The following PHF2 variants were observed in gnomAD, a reference collection of about 807,000 sequenced individuals.
PHF2 encodes PHD finger protein 2.
PHF2 carries 27 observed loss-of-function variants against 120.5 expected under a neutral mutation model. That is an observed-to-expected ratio of 0.22 (90% CI 0.17 to 0.31). PHF2 has a LOEUF of 0.31. Among genes scored for constraint, PHF2 ranks in the 10% least tolerant of loss-of-function variants. The probability of loss-of-function intolerance (pLI) is 1.00; values close to 1 mark genes in which losing one functional copy is unlikely to be tolerated. For synonymous variants in PHF2, 568 were observed against 592.5 expected (o/e 0.96, Z 0.60); for missense variants, 1,024 against 1,434.8 (o/e 0.71, Z 4.63).
rs531043019 is a variant in PHF2, at chr9:93,618,444, C to T, written c.99-11526C>T. On this transcript the variant is annotated intron_variant, in intron 1 of 21. Transcript: ENST00000359246. ...GCCTGCATACACGTGCACACACAAACGGGCATACAAGCACACACACACAGT... is the reference window on the plus strand; with the variant it reads ...GCCTGCATACACGTGCACACACAAATGGGCATACAAGCACACACACACAGT... Among the ~76,000 whole-genome samples the T allele has an allele frequency of 6.6e-5, 10 of 152,344 alleles. 1 individual carries two copies. The highest frequency in any genetic ancestry group is 9.6e-5 in the African/African-American group (4 of 41,576).
At chr9:93,667,945 C>G (rs1442919230) in intron 17 of PHF2, among the ~76,000 whole-genome samples, 1 of 152,154 alleles carries the variant, frequency 6.6e-6, no homozygotes, top group Non-Finnish European at 1.5e-5. Flanking sequence ...CTGTGGTTTC[C>G]AGAATCCATG....
intron 5 of PHF2, 30 bp downstream of exon 5, chr9:93,649,242 GC>G (rs1826315535): frequency 3.9e-6 from 6 of 1,541,148 alleles, no homozygotes; most frequent in Non-Finnish European, 5.3e-6. Flanking sequence ...GGGTGTGGGG[GC>G]TGGGGTTGGG....
chr9:93,670,292 T>A (rs1049643415), intron 17 of PHF2, among the ~76,000 whole-genome samples: 3 of 152,186 alleles, frequency 2.0e-5, no homozygotes, highest in Non-Finnish European at 4.4e-5. Context: ...CGGGCTGCCT[T>A]GTCCTGGGGC....
chr9:93,656,255 C>A lies in PHF2; in HGVS notation c.1040+234C>A, dbSNP rs10992830. 0.02 allele frequency among the ~76,000 whole-genome samples: 3,019 copies of A among 152,130 alleles called. 64 individuals carry two copies. The highest frequency in any genetic ancestry group is 0.1 in the East Asian group (521 of 5,136). On this transcript the variant is annotated intron_variant, in intron 8 of 21. Coordinates refer to ENST00000359246, the MANE Select transcript of PHF2 (RefSeq NM_005392.4). This position sits in a 1 kb window ranked among gnomAD's most constrained non-coding sequence, Gnocchi z 4.1. The stretch of plus-strand genomic sequence containing the variant: ...CCTGGCTGCTGGATGGTTGTAGTTG[C>A]CCTTGGTGGGGTTGGGGTTGCTTAA...
At chr9:93,644,153 G>C (rs1008687298) in intron 3 of PHF2, among the ~76,000 whole-genome samples, 1 of 152,126 alleles carries the variant, frequency 6.6e-6, no homozygotes, top group African/African-American at 2.4e-5. Context: ...TTGGAAGGCC[G>C]AGGTGGGTGG....
chr9:93,634,782 G>A lies in PHF2; in HGVS notation c.185-1629G>A, dbSNP rs555954876. ...TGCTGGGCCCAGTACTGGGCATAGG[G>A]GACACACAGGGATGAGCCCAGGGTC... On this transcript the variant is annotated intron_variant, in intron 2 of 21. Transcript: ENST00000359246. Among the ~76,000 whole-genome samples the A allele has an allele frequency of 2.6e-5, 4 of 152,336 alleles. No individual in the cohort carries two copies. The East Asian group carries it at 7.7e-4, about 29-fold the overall frequency.
rs1826854545 is a variant in PHF2 at position 93,673,792 on chromosome 9, C to T, written c.2556C>T (p.Asn852=). The part of the protein sequence containing the change: ...GKRLLKRAAK[N]SVDLDDYEEE... ...GACTGCTGAAGAGGGCTGCCAAGAA[C>T]AGTGTCGACCTGGACGACTACGAGG... is the stretch of plus-strand genomic sequence containing the variant. Residue 852 remains asparagine (N), a synonymous_variant, in exon 18 of 22, where the codon AAC becomes AAT. Transcript: ENST00000359246. 2 of 1,612,568 alleles carry T rather than the reference C, an allele frequency of 1.2e-6. No homozygotes were observed. The highest frequency in any genetic ancestry group is 2.2e-5 in the East Asian group (1 of 44,848).
chr9:93,591,757 G>A (rs376079457), intron 1 of PHF2, among the ~76,000 whole-genome samples: 21 of 152,264 alleles, frequency 1.4e-4, no homozygotes, highest in African/African-American at 4.3e-4. Context: ...GATAATCTAC[G>A]TCACAGCTTC....
In PHF2 at chr9:93,659,609, G is replaced by A. The variant is rs752131988; in HGVS notation, c.1329+9G>A. 1.6e-5 allele frequency: 26 copies of A among 1,611,944 alleles called. No homozygotes were observed. The highest frequency in any genetic ancestry group is 3.3e-5 in the Admixed American group (2 of 59,970). ...AGATCCGGCTCAGTGAGGTGGGGCC[G>A]TGTCCAGGTGCTGGGCTGGACCCCT... On this transcript the variant is annotated intron_variant, in intron 11 of 21. Coordinates refer to ENST00000359246, the MANE Select transcript of PHF2 (RefSeq NM_005392.4).
chr9:93,581,428 C>G (rs750270753), intron 1 of PHF2, among the ~76,000 whole-genome samples: 15 of 152,140 alleles, frequency 9.9e-5, no homozygotes, highest in Non-Finnish European at 2.1e-4. Flanking sequence ...GGAAGGGGCT[C>G]TCCTCATGGA....
intron 1 of PHF2, among the ~76,000 whole-genome samples, chr9:93,584,392 T>A (rs1485174631): frequency 6.6e-6 from 1 of 152,192 alleles, no homozygotes; most frequent in Non-Finnish European, 1.5e-5. Flanking sequence ...TTATCTTAGG[T>A]TTTTGATCCA....
At chr9:93,580,309 G>A (rs370012547) in intron 1 of PHF2, among the ~76,000 whole-genome samples, 3 of 152,214 alleles carry the variant, frequency 2.0e-5, no homozygotes, top group Non-Finnish European at 2.9e-5. Flanking sequence ...GCTGGAGGCC[G>A]GTTGCCTTCG....
chr9:93,651,307 T>G (rs1826366317), intron 5 of PHF2, among the ~76,000 whole-genome samples: 1 of 152,284 alleles, frequency 6.6e-6, no homozygotes, highest in African/African-American at 2.4e-5. Flanking sequence ...GTCTAGGCTA[T>G]GGAGCTAGGG....
chr9:93,628,689 C>T (rs146130076), intron 1 of PHF2, among the ~76,000 whole-genome samples: 1 of 152,146 alleles, frequency 6.6e-6, no homozygotes, highest in Non-Finnish European at 1.5e-5. Context: ...CATTCTGGGG[C>T]TACCTGGGGG....
chr9:93,642,379 A>G (rs1826185545), intron 3 of PHF2, among the ~76,000 whole-genome samples: 1 of 152,248 alleles, frequency 6.6e-6, no homozygotes, highest in Admixed American at 6.5e-5. Flanking sequence ...CTTGAATCCC[A>G]CACCTTTCTT....
rs749913696 is a variant in PHF2 at position 93,636,523 on chromosome 9, C to T, written c.297C>T (p.Pro99=). 3.2e-6 allele frequency: 5 copies of T among 1,581,368 alleles called. No homozygotes were observed. In the South Asian group the frequency reaches 5.8e-5, roughly 18 times the overall value. The change falls in exon 3 of 22, where the codon CCC becomes CCT. Residue 99 remains proline, a splice_region_variant and synonymous_variant. Coordinates refer to ENST00000359246, the MANE Select transcript of PHF2 (RefSeq NM_005392.4). ...AGGAGCTGCGGAGCCGGACCTTTCC[C>T]AGGTGGGCTGGCCTTCCTGTATGCT... ...FIKELRSRTF[P]SAEDVVARVP...
At chr9:93,674,787 A>G in intron 18 of PHF2, 140 bp from the exon 19 acceptor site, 1 of 626,720 alleles carries the variant, frequency 1.6e-6, no homozygotes, top group Non-Finnish European at 2.9e-6. Context: ...CACAGCTGAC[A>G]GTGACACAGC....
Position 93,673,543 on chromosome 9 carries a change from C to G in PHF2, c.2349-42C>G, listed in dbSNP as rs1327548295. The G allele has an allele frequency of 3.3e-6, 5 of 1,507,032 alleles. No homozygotes were observed. In the African/African-American group the frequency reaches 6.9e-5, roughly 21 times the overall value. 93.4% of individuals were successfully genotyped at this position (1,507,032 alleles called of 1,614,324 possible). A position where few individuals can be genotyped will look rare whatever the true frequency, so the allele number is the denominator to read the frequency against. On this transcript the variant is annotated intron_variant, in intron 17 of 21. Coordinates refer to ENST00000359246, the MANE Select transcript of PHF2 (RefSeq NM_005392.4). ...GTTGTTTAAGTGCCTGGGCTGCAGG[C>G]CAAGAGCACTGGGCTGAGTGCCTGT...
rs1255121808 is a variant in PHF2 at position 93,636,506 on chromosome 9, C to T, written c.280C>T (p.Arg94Trp). The T allele has an allele frequency of 5.0e-6, 8 of 1,594,550 alleles. No homozygotes were observed. Among genetic ancestry groups the T allele is most frequent in the East Asian group, 2.3e-5 (1 of 44,098 alleles). The change falls in exon 3 of 22, where the codon CGG becomes TGG. Residue 94 changes from arginine (R) to tryptophan (W), a missense_variant. Arg to Trp is a moderately radical substitution (Grantham distance 101, BLOSUM62 -3). This residue lies in a region of PHF2 where 347 missense variants were observed against 577.4 expected (regional missense o/e 0.60). Coordinates refer to ENST00000359246, the MANE Select transcript of PHF2 (RefSeq NM_005392.4). ...NGSQLFIKEL[R>W]SRTFPSAEDV... ...CAGCCAGCTCTTCATCAAGGAGCTG[C>T]GGAGCCGGACCTTTCCCAGGTGGGC...
Sources: allele counts gnomAD v4.1 joint callset (sites outside exome capture counted in the v4.1 genomes callset), GRCh38; gene constraint gnomAD v4.1.1; regional missense constraint gnomAD v4.1.1; non-coding constraint Gnocchi (gnomAD v3.1); transcripts MANE v1.5; gene names NCBI Gene and HGNC (gene_info 2026-07-23, HGNC 2026-07-21).